KALRN: variants seen among roughly 807,000 people sequenced by gnomAD.
The protein encoded by KALRN is kalirin.
Under a neutral mutation model 353.7 loss-of-function variants are expected in KALRN, and 70 were observed. The ratio of observed to expected loss-of-function variants is 0.20; its 90% CI spans 0.16 to 0.24. The LOEUF is 0.24. Ranked by LOEUF, KALRN falls within the 10% of genes least tolerant of loss-of-function variation. KALRN has a pLI of 1.00. For missense variants in KALRN, 2,791 were observed against 3,756.7 expected, an observed-to-expected ratio of 0.74 and a Z score of 6.72; for synonymous variants, 1,391 against 1,434.8, an observed-to-expected ratio of 0.97 and a Z score of 0.69.
At position 124,434,479 on chromosome 3, in the gene KALRN, T is replaced by G; in HGVS notation, c.3002T>G (p.Leu1001Arg). Residue 1001 changes from leucine to arginine, a missense_variant, in exon 17 of 60, where the codon CTA (leucine) becomes CGA (arginine). Around this residue, in one of 11 missense-constraint regions of KALRN, gnomAD observed 452 missense variants for 575.8 expected, o/e 0.78. Coordinates refer to ENST00000682506, the MANE Select transcript of KALRN (RefSeq NM_001388419.1). Reference sequence around the variant, plus strand: ...CTCATGCTGAAGATGGAAGACCGGCTAAAATTGGTCAATGCCTCTGTGGCC... The same window carrying G: ...CTCATGCTGAAGATGGAAGACCGGCGAAAATTGGTCAATGCCTCTGTGGCC... ...QQLMLKMEDR[L>R]KLVNASVAFY... The G allele has an allele frequency of 6.2e-7, 1 of 1,614,238 alleles. No individual in the cohort carries two copies. The highest frequency in any genetic ancestry group is 8.5e-7 in the Non-Finnish European group (1 of 1,180,018).
At chr3:124,312,335 A>T (rs770252950) in intron 6 of KALRN, among the ~76,000 whole-genome samples, 1 of 152,012 alleles carries the variant, frequency 6.6e-6, no homozygotes, top group Non-Finnish European at 1.5e-5. Flanking sequence ...TAATTTTTGT[A>T]TTTTTAGTAG....
intron 15 of KALRN, among the ~76,000 whole-genome samples, chr3:124,427,531 C>G (rs971475863): frequency 6.6e-6 from 1 of 152,244 alleles, no homozygotes; most frequent in Non-Finnish European, 1.5e-5. Flanking sequence ...AAGGCTCAGC[C>G]TGCCCAGCTT....
chr3:124,338,583 G>A (rs143773783), intron 9 of KALRN, among the ~76,000 whole-genome samples: 17 of 152,294 alleles, frequency 1.1e-4, no homozygotes, highest in African/African-American at 3.8e-4. Context: ...GAATAAGTGC[G>A]ATGTGGTCCT....
chr3:124,679,941 TTTTC>T (rs559281465), intron 51 of KALRN, among the ~76,000 whole-genome samples: 89 of 152,356 alleles, frequency 5.8e-4, no homozygotes, highest in African/African-American at 2.1e-3. Context: ...CTCCGCTTCT[TTTTC>T]TTTAGCCCTT....
intron 3 of KALRN, among the ~76,000 whole-genome samples, chr3:124,242,139 AC>A (rs1439175643): frequency 2.6e-5 from 4 of 152,152 alleles, no homozygotes; most frequent in Admixed American, 6.5e-5. Context: ...TAGAAGATTC[AC>A]TCTGGCAACT....
chr3:124,519,691 C>T, intron 33 of KALRN: 1 of 985,414 alleles, frequency 1.0e-6, no homozygotes, highest in Non-Finnish European at 1.2e-6. Flanking sequence ...AAGTGTCATT[C>T]TCTGGAATTG....
intron 33 of KALRN, among the ~76,000 whole-genome samples, chr3:124,506,552 C>T (rs2065253098): frequency 6.6e-6 from 1 of 152,162 alleles, no homozygotes; most frequent in Non-Finnish European, 1.5e-5. Context: ...AGGAGAGATG[C>T]TTTCTGCATG....
At chr3:124,645,356 C>T (rs572819326) in intron 37 of KALRN, among the ~76,000 whole-genome samples, 139 of 152,294 alleles carry the variant, frequency 9.1e-4, no homozygotes, top group African/African-American at 3.2e-3. Flanking sequence ...TCAATTTTGG[C>T]TTTTGTTGCC....
chr3:124,673,551 C>CAG, intron 48 of KALRN, among the ~76,000 whole-genome samples: 1 of 151,198 alleles, frequency 6.6e-6, no homozygotes, highest in African/African-American at 2.4e-5. Flanking sequence ...TATGTATATG[C>CAG]ATATAGAATA....
intron 42 of KALRN, among the ~76,000 whole-genome samples, 200 bp downstream of exon 42, chr3:124,658,717 C>G (rs1490982499): frequency 1.3e-5 from 2 of 152,220 alleles, no homozygotes; most frequent in Non-Finnish European, 2.9e-5. Context: ...TTGAGAGGAG[C>G]TGAGGTGGCC....
chr3:124,460,583 A>G (rs1456928928), intron 23 of KALRN, among the ~76,000 whole-genome samples: 1 of 152,216 alleles, frequency 6.6e-6, no homozygotes, highest in East Asian at 1.9e-4. Flanking sequence ...ATGTTTCCTG[A>G]GCACCTACCA....
intron 33 of KALRN, among the ~76,000 whole-genome samples, chr3:124,512,466 G>A (rs1262794379): frequency 6.6e-6 from 1 of 152,026 alleles, no homozygotes; most frequent in Non-Finnish European, 1.5e-5. Context: ...CCTGGCCAAC[G>A]TGGTGAAACC....
intron 5 of KALRN, among the ~76,000 whole-genome samples, chr3:124,296,847 T>A (rs1353667633): frequency 2.6e-5 from 4 of 152,214 alleles, no homozygotes; most frequent in Non-Finnish European, 5.9e-5. Flanking sequence ...CCTATCTGAA[T>A]CAAGGTTTGA....
chr3:124,387,092 A>G (rs2088478713), intron 11 of KALRN, among the ~76,000 whole-genome samples: 1 of 152,038 alleles, frequency 6.6e-6, no homozygotes, highest in Non-Finnish European at 1.5e-5. Flanking sequence ...GCATTTCTAA[A>G]CCCCAAATCA....
intron 19 of KALRN, among the ~76,000 whole-genome samples, chr3:124,443,761 A>C (rs143478689): frequency 6.6e-6 from 1 of 152,262 alleles, no homozygotes; most frequent in African/African-American, 2.4e-5. Context: ...GCCCATGTAA[A>C]AGCTTTCAGG....
chr3:124,248,446 G>A (rs181565293), intron 3 of KALRN, among the ~76,000 whole-genome samples: 43 of 152,290 alleles, frequency 2.8e-4, no homozygotes, highest in East Asian at 2.3e-3. Context: ...GCCAGGGGAC[G>A]GAGCATGGAT....
Position 124,334,356 on chromosome 3 carries a change from C to G in KALRN, c.1508C>G (p.Ser503Cys). The change falls in exon 9 of 60, where the codon TCC becomes TGC. Residue 503 changes from serine (S) to cysteine (C), a missense_variant. Physicochemically the swap from Ser to Cys is moderately radical, Grantham distance 112 (BLOSUM62 -1). Transcript: ENST00000682506. This position sits in a 1 kb window ranked among gnomAD's most constrained non-coding sequence, Gnocchi z 4.2. ...TCCCTCACGGCCACAGCCAACTACT[C>G]CAAGGCAGTGCACCAGGTGCTGGAC... ...SESLTATANY[S>C]KAVHQVLDVV... is the part of the protein sequence containing the mutation. 1 of 1,614,250 alleles carries G rather than the reference C, an allele frequency of 6.2e-7. No individual in the cohort carries two copies. Among genetic ancestry groups the G allele is most frequent in the Non-Finnish European group, 8.5e-7 (1 of 1,180,042 alleles).
At chr3:124,495,066 G>T (rs1401858217) in intron 32 of KALRN, among the ~76,000 whole-genome samples, 2 of 152,272 alleles carry the variant, frequency 1.3e-5, no homozygotes, top group East Asian at 3.9e-4. Context: ...ACAGGATGGG[G>T]GCACAGTTCT....
chr3:124,662,942 G>A (rs1423432473), intron 45 of KALRN, among the ~76,000 whole-genome samples: 1 of 151,796 alleles, frequency 6.6e-6, no homozygotes, highest in African/African-American at 2.4e-5. Context: ...CCTTCCCTCT[G>A]TGTTATCTCT....
Sources: gnomAD v4.1 joint callset for allele counts (sites outside exome capture counted in the v4.1 genomes callset) on GRCh38, gnomAD v4.1.1 for gene constraint, gnomAD v4.1.1 regional missense constraint, Gnocchi (gnomAD v3.1) non-coding constraint, MANE v1.5 for transcripts, NCBI Gene and HGNC (gene_info 2026-07-23, HGNC 2026-07-21) for gene names.